The following RAB6A variants were observed in gnomAD, a reference collection of about 807,000 sequenced individuals.
RAB6A encodes the protein RAB6A, member RAS oncogene family, also known as ras-related protein Rab-6A.
Under a neutral mutation model 32.3 loss-of-function variants are expected in RAB6A, and 8 were observed. That is an observed-to-expected ratio of 0.25 (90% CI 0.15 to 0.45). RAB6A has a LOEUF of 0.45. Ranked by LOEUF, RAB6A falls within the 20% of genes least tolerant of loss-of-function variation. RAB6A has a pLI of 1.00. For missense variants in RAB6A, 104 were observed against 249.4 expected (o/e 0.42, Z 3.93); for synonymous variants, 73 against 82.1 (o/e 0.89, Z 0.60).
intron 6 of RAB6A, among the ~76,000 whole-genome samples, chr11:73,684,535 C>A (rs1465358436): frequency 6.6e-6 from 1 of 152,196 alleles, no homozygotes; most frequent in Admixed American, 6.5e-5. Flanking sequence ...AAACATAACT[C>A]ACACACATTG....
chr11:73,695,988 A>G (rs923707941), intron 6 of RAB6A, among the ~76,000 whole-genome samples: 3 of 152,206 alleles, frequency 2.0e-5, no homozygotes, highest in Non-Finnish European at 2.9e-5. Context: ...AGATTTCAAA[A>G]TAAAATCACT....
In RAB6A at chr11:73,753,597, G is replaced by C. The variant is rs375806720; in HGVS notation, c.70+6969C>G. ...ATGGTGGCGGGCGCCTGTAGTCCCA[G>C]CTACTCCGGAGGCTGAGGCAGGAGA... On this transcript the variant is annotated intron_variant, in intron 1 of 7. Transcript: ENST00000336083. Among the ~76,000 whole-genome samples, 24 of 152,124 alleles carry C rather than the reference G, an allele frequency of 1.6e-4. 1 individual carries two copies. In the East Asian group the frequency reaches 2.0e-3, roughly 12 times the overall value.
intron 6 of RAB6A, among the ~76,000 whole-genome samples, chr11:73,682,690 G>T (rs1945379852): frequency 6.6e-6 from 1 of 152,108 alleles, no homozygotes; most frequent in Non-Finnish European, 1.5e-5. Context: ...TTTGAGAAGG[G>T]TCTTGCTCTG....
At chr11:73,744,137 G>A (rs1321637036) in intron 1 of RAB6A, among the ~76,000 whole-genome samples, 1 of 151,940 alleles carries the variant, frequency 6.6e-6, no homozygotes, top group Non-Finnish European at 1.5e-5. Context: ...AAGAGATGGA[G>A]ACCATCCTGG....
At chr11:73,719,914 C>A (rs1260643861) in intron 3 of RAB6A, among the ~76,000 whole-genome samples, 1 of 151,746 alleles carries the variant, frequency 6.6e-6, no homozygotes, top group Non-Finnish European at 1.5e-5. Flanking sequence ...CCACACCTGG[C>A]CGCTTTCAAA....
chr11:73,694,819 G>A (rs1444167027), intron 6 of RAB6A, among the ~76,000 whole-genome samples: 1 of 152,188 alleles, frequency 6.6e-6, no homozygotes, highest in African/African-American at 2.4e-5. Context: ...TTTGAGACCA[G>A]CCTGGCCAAC....
intron 6 of RAB6A, among the ~76,000 whole-genome samples, chr11:73,689,895 C>CAAAAAA (rs5792626): frequency 2.1e-4 from 13 of 60,952 alleles, no homozygotes; most frequent in African/African-American, 6.6e-4. Flanking sequence ...GACTCCGTCT[C>CAAAAAA]AAAAAAAAAA....
intron 5 of RAB6A, among the ~76,000 whole-genome samples, chr11:73,711,331 T>C (rs1352363341): frequency 6.6e-6 from 1 of 152,182 alleles, no homozygotes; most frequent in Non-Finnish European, 1.5e-5. Flanking sequence ...TACATCTGTA[T>C]TTCTCTCTTA....
At chr11:73,752,017 A>C (rs1946676402) in intron 1 of RAB6A, among the ~76,000 whole-genome samples, 1 of 152,212 alleles carries the variant, frequency 6.6e-6, no homozygotes, top group Admixed American at 6.5e-5. Context: ...TAGTTTTTTG[A>C]GGACCACATC....
At chr11:73,703,913 C>T (rs1333577696) in intron 6 of RAB6A, among the ~76,000 whole-genome samples, 5 of 151,730 alleles carry the variant, frequency 3.3e-5, no homozygotes, top group African/African-American at 4.8e-5. Flanking sequence ...GCCTGTAGTC[C>T]CAGCTATTTG....
intron 5 of RAB6A, among the ~76,000 whole-genome samples, chr11:73,713,400 C>T (rs1945997539): frequency 1.3e-5 from 2 of 152,114 alleles, no homozygotes; most frequent in African/African-American, 4.8e-5. Flanking sequence ...GAAACCCCGT[C>T]TCTACTAAAA....
intron 1 of RAB6A, among the ~76,000 whole-genome samples, chr11:73,758,104 A>C (rs1406756006): frequency 2.0e-5 from 3 of 151,226 alleles, no homozygotes; most frequent in Admixed American, 1.3e-4. Context: ...TAATTCATGA[A>C]GAGTTACATC....
chr11:73,704,228 T>G (rs1166655523), intron 6 of RAB6A: 1 of 417,022 alleles, frequency 2.4e-6, no homozygotes. Context: ...GGAAAAAAAT[T>G]AAAAATTAGC....
intron 1 of RAB6A, among the ~76,000 whole-genome samples, chr11:73,735,628 G>C (rs1946381664): frequency 6.6e-6 from 1 of 152,026 alleles, no homozygotes; most frequent in South Asian, 2.1e-4. Flanking sequence ...CTTTAACAAG[G>C]ACCATGAGTA....
At chr11:73,736,998 G>GAAGA (rs1012088890) in intron 1 of RAB6A, among the ~76,000 whole-genome samples, 5 of 128,944 alleles carry the variant, frequency 3.9e-5, no homozygotes, top group South Asian at 2.6e-4. Flanking sequence ...AAAAAAAAAA[G>GAAGA]AAGAAAGAAA....
At chr11:73,695,421 C>G (rs1055278328) in intron 6 of RAB6A, among the ~76,000 whole-genome samples, 2 of 151,788 alleles carry the variant, frequency 1.3e-5, no homozygotes, top group Non-Finnish European at 2.9e-5. Context: ...GCTCTGTCAC[C>G]CAGGCTGGAA....
chr11:73,753,079 T>C (rs1367604193), intron 1 of RAB6A, among the ~76,000 whole-genome samples: 3 of 151,944 alleles, frequency 2.0e-5, no homozygotes, highest in Non-Finnish European at 4.4e-5. Context: ...AAGACCTCGT[T>C]TGCTAAAAAA....
At chr11:73,760,236 T>G in intron 1 of RAB6A, 1 of 749,540 alleles carries the variant, frequency 1.3e-6, no homozygotes, top group South Asian at 1.6e-5. Flanking sequence ...GGGGCCGGGG[T>G]ACGGGCAATG....
In RAB6A at chr11:73,732,650, C is replaced by T. The variant is rs187161214; in HGVS notation, c.71-1827G>A. Among the ~76,000 whole-genome samples, 386 of 152,172 alleles carry T rather than the reference C, an allele frequency of 2.5e-3. 3 individuals are homozygous for T. The highest frequency in any genetic ancestry group is 0.01 in the Middle Eastern group (3 of 294). On this transcript the variant is annotated intron_variant, in intron 1 of 7. Coordinates refer to ENST00000336083, the MANE Select transcript of RAB6A (RefSeq NM_198896.2). ...GGAGTGCGCCTTGTAAACCCAGCTA[C>T]TTGGGAGGCTCAGGCAACAGAATCG...
Sources: allele counts gnomAD v4.1 joint callset (sites outside exome capture counted in the v4.1 genomes callset), GRCh38; gene constraint gnomAD v4.1.1; transcripts MANE v1.5; gene names NCBI Gene and HGNC (gene_info 2026-07-23, HGNC 2026-07-21).